Variants in SMAD1 observed in about 807,000 individuals in gnomAD.
SMAD1 encodes SMAD family member 1.
In SMAD1, 6 loss-of-function variants were observed where a neutral mutation model predicts 41.6. The observed-to-expected ratio is 0.14, with a 90% CI of 0.08 to 0.28. The LOEUF is 0.28. Ranked by LOEUF, SMAD1 falls within the 10% of genes least tolerant of loss-of-function variation. The probability of loss-of-function intolerance (pLI) is 1.00; values close to 1 mark genes in which losing one functional copy is unlikely to be tolerated. For missense variants in SMAD1, 379 were observed against 582.6 expected (o/e 0.65, Z 3.60); for synonymous variants, 206 against 203.2 (o/e 1.01, Z -0.12).
chr4:145,529,380 G>A (rs1731205763), intron 2 of SMAD1, among the ~76,000 whole-genome samples: 1 of 152,224 alleles, frequency 6.6e-6, no homozygotes, highest in Admixed American at 6.5e-5. Flanking sequence ...AAAGTAGGAA[G>A]AGAAAAGACA....
chr4:145,550,683 C>T (rs1221834519), intron 5 of SMAD1, among the ~76,000 whole-genome samples: 1 of 152,102 alleles, frequency 6.6e-6, no homozygotes, highest in South Asian at 2.1e-4. Context: ...TATCTAGAAA[C>T]CTCCAAAGAA....
rs1414778509 is a variant in SMAD1, at chr4:145,514,541, C to A, written c.-73C>A. The A allele has an allele frequency of 1.9e-5, 26 of 1,364,480 alleles. No individual in the cohort carries two copies. Among genetic ancestry groups the A allele is most frequent in the Non-Finnish European group, 2.6e-5 (26 of 999,582 alleles). 84.5% of individuals were successfully genotyped at this position (1,364,480 alleles called of 1,614,324 possible). A position where few individuals can be genotyped will look rare whatever the true frequency, so the allele number is the denominator to read the frequency against. On this transcript the variant is annotated 5_prime_UTR_variant, in exon 2 of 7. Coordinates refer to ENST00000302085, the MANE Select transcript of SMAD1 (RefSeq NM_005900.3). The surrounding 1 kb of genome is among the most constrained non-coding windows in gnomAD (Gnocchi z 4.7). ...GACTTCTCTGTAAATAAACAAATCT[C>A]TTCTGCTGTCCTTTTGCATTTGGAG...
At chr4:145,522,924 G>T (rs9992345) in intron 2 of SMAD1, among the ~76,000 whole-genome samples, 1 of 151,954 alleles carries the variant, frequency 6.6e-6, no homozygotes, top group Admixed American at 6.6e-5. Flanking sequence ...TGATCTGCCC[G>T]CCTCAGCCTC....
intron 1 of SMAD1, among the ~76,000 whole-genome samples, chr4:145,488,476 T>TTGTGTGTGTG (rs60369536): frequency 2.7e-5 from 4 of 148,618 alleles, no homozygotes; most frequent in Admixed American, 1.4e-4. Context: ...CCCTGTCTTT[T>TTGTGTGTGTG]TGTGTGTGTG....
At chr4:145,544,029 C>T (rs1314262781) in intron 4 of SMAD1, 1 of 152,078 alleles carries the variant, frequency 6.6e-6, no homozygotes, top group African/African-American at 2.4e-5. Context: ...ACAGTGGTAA[C>T]TGCATGTCAT....
At chr4:145,517,439 G>A (rs1237335897) in intron 2 of SMAD1, among the ~76,000 whole-genome samples, 2 of 151,998 alleles carry the variant, frequency 1.3e-5, no homozygotes, top group East Asian at 3.9e-4. Flanking sequence ...GCTTGGGGAG[G>A]TTAGGTCTCA....
intron 2 of SMAD1, among the ~76,000 whole-genome samples, chr4:145,525,972 G>A (rs1042324819): frequency 2.0e-5 from 3 of 152,206 alleles, no homozygotes; most frequent in African/African-American, 7.2e-5. Flanking sequence ...TTTTAAAAAT[G>A]GAAGATCAGG....
At chr4:145,526,904 T>C (rs1262572256) in intron 2 of SMAD1, among the ~76,000 whole-genome samples, 1 of 152,178 alleles carries the variant, frequency 6.6e-6, no homozygotes, top group East Asian at 1.9e-4. Context: ...TTTGAGCTTG[T>C]GTTTGCTAAC....
chr4:145,496,138 G>A (rs908137399), intron 1 of SMAD1, among the ~76,000 whole-genome samples: 44 of 151,840 alleles, frequency 2.9e-4, no homozygotes, highest in African/African-American at 1.0e-3. Context: ...CATGTTCTGG[G>A]TAAGTGGGAA....
At chr4:145,541,730 A>T (rs981532127) in intron 3 of SMAD1, among the ~76,000 whole-genome samples, 2 of 152,208 alleles carry the variant, frequency 1.3e-5, no homozygotes, top group Non-Finnish European at 2.9e-5. Context: ...TCGATTACTT[A>T]TCCAAACATT....
In SMAD1 at chr4:145,546,747, A is replaced by G. The variant is rs775680669; in HGVS notation, c.820A>G (p.Ile274Val). Reference sequence around the variant, plus strand: ...TGAGGAACCAAAACACTGGTGCTCTATTGTCTACTATGAGCTCAACAATCG... The same window carrying G: ...TGAGGAACCAAAACACTGGTGCTCTGTTGTCTACTATGAGCTCAACAATCG... ...AYEEPKHWCS[I>V]VYYELNNRVG... The change falls in exon 5 of 7, where the codon ATT becomes GTT. Residue 274 changes from isoleucine to valine, a missense_variant. Transcript: ENST00000302085. The G allele has an allele frequency of 6.8e-6, 11 of 1,613,932 alleles. No individual in the cohort carries two copies. Among genetic ancestry groups the G allele is most frequent in the African/African-American group, 1.3e-5 (1 of 75,030 alleles).
intron 1 of SMAD1, among the ~76,000 whole-genome samples, chr4:145,495,779 C>CTTTTTTT (rs397938427): frequency 1.0e-4 from 12 of 117,458 alleles, no homozygotes; most frequent in African/African-American, 4.1e-4. Flanking sequence ...CAGTGCTTGG[C>CTTTTTTT]TTTTTTTTTT....
intron 2 of SMAD1, among the ~76,000 whole-genome samples, chr4:145,521,561 G>T (rs1298298406): frequency 2.0e-5 from 3 of 152,096 alleles, no homozygotes; most frequent in Non-Finnish European, 2.9e-5. Flanking sequence ...CTCTTTGGCT[G>T]CCTCAGTCAC....
Position 145,513,907 on chromosome 4 carries a change from G to C in SMAD1, c.-176-531G>C, listed in dbSNP as rs189876414. Among the ~76,000 whole-genome samples, 5 of 152,296 alleles carry C rather than the reference G, an allele frequency of 3.3e-5. No individual in the cohort carries two copies. In the East Asian group the frequency reaches 9.6e-4, roughly 29 times the overall value. ...CAGTTTACTCATCTGTAAAGTGGCA[G>C]CAATTGTATTACCTAACTCAAAGGA... On this transcript the variant is annotated intron_variant, in intron 1 of 6. Transcript: ENST00000302085.
chr4:145,514,105 T>A lies in SMAD1; in HGVS notation c.-176-333T>A, dbSNP rs181135834. Among the ~76,000 whole-genome samples the A allele has an allele frequency of 3.3e-5, 5 of 152,306 alleles. No individual in the cohort carries two copies. In the East Asian group the frequency reaches 9.6e-4, roughly 29 times the overall value. ...CTCTGGTGAGGGCTCTCTTCCTGGC[T>A]TGCAGATGATCACCTTCTTGCAGTA... On this transcript the variant is annotated intron_variant, in intron 1 of 6. Coordinates refer to ENST00000302085, the MANE Select transcript of SMAD1 (RefSeq NM_005900.3). This position sits in a 1 kb window ranked among gnomAD's most constrained non-coding sequence, Gnocchi z 4.7.
At chr4:145,519,562 G>A (rs1054791123) in intron 2 of SMAD1, among the ~76,000 whole-genome samples, 5 of 150,816 alleles carry the variant, frequency 3.3e-5, no homozygotes, top group African/African-American at 1.2e-4. Flanking sequence ...GCTAAATCAG[G>A]AGGATCACTT....
intron 2 of SMAD1, among the ~76,000 whole-genome samples, chr4:145,535,564 A>G (rs1031311470): frequency 3.3e-5 from 5 of 152,324 alleles, no homozygotes; most frequent in Admixed American, 1.3e-4. Flanking sequence ...AAAAGAGCCT[A>G]TATAGTAGGC....
At chr4:145,553,377 G>A (rs1467943655) in intron 5 of SMAD1, among the ~76,000 whole-genome samples, 1 of 152,124 alleles carries the variant, frequency 6.6e-6, no homozygotes, top group Non-Finnish European at 1.5e-5. Context: ...CACAGGGGAT[G>A]GGAAAGGGAT....
intron 2 of SMAD1, among the ~76,000 whole-genome samples, chr4:145,533,078 T>A (rs954658221): frequency 6.6e-6 from 1 of 152,230 alleles, no homozygotes; most frequent in Non-Finnish European, 1.5e-5. Context: ...TCCTTCAGGA[T>A]TCCACACAGG....
Sources: allele counts gnomAD v4.1 joint callset (sites outside exome capture counted in the v4.1 genomes callset), GRCh38; gene constraint gnomAD v4.1.1; non-coding constraint Gnocchi (gnomAD v3.1); transcripts MANE v1.5; gene names NCBI Gene and HGNC (gene_info 2026-07-23, HGNC 2026-07-21).